Variants in GPSM2 observed in about 807,000 individuals in gnomAD.
GPSM2 encodes G protein-signaling modulator 2.
GPSM2 carries 58 observed loss-of-function variants against 78.4 expected under a neutral mutation model. The observed-to-expected ratio is 0.74, with a 90% CI of 0.60 to 0.92. The LOEUF is 0.92. Among genes scored for constraint, GPSM2 ranks in the 40% least tolerant of loss-of-function variants. The pLI, the probability that GPSM2 is intolerant of heterozygous loss-of-function variation, is 0.00. For missense variants in GPSM2, 700 were observed against 815.5 expected, an observed-to-expected ratio of 0.86 and a Z score of 1.73; for synonymous variants, 224 against 280.2, an observed-to-expected ratio of 0.80 and a Z score of 2.00.
rs115971283 is a variant in GPSM2, at chr1:108,931,674, T to G, written c.*1734T>G. 47 of 782,184 alleles carry G rather than the reference T, an allele frequency of 6.0e-5. No homozygotes were observed. The highest frequency in any genetic ancestry group is 8.6e-5 in the Non-Finnish European group (46 of 533,270). The allele number at this position is 782,184 out of a possible 1,614,324, so 48.5% of individuals were successfully genotyped here. A position where few individuals can be genotyped will look rare whatever the true frequency, so the allele number is the denominator to read the frequency against. On this transcript the variant is annotated 3_prime_UTR_variant, in exon 15 of 15. Transcript: ENST00000264126. ...AAATTACAACCTGGATTACATTATGTTTCATGTATACTATAAGGTATGATG... is the reference window on the plus strand; with the variant it reads ...AAATTACAACCTGGATTACATTATGGTTCATGTATACTATAAGGTATGATG...
Position 108,933,808 on chromosome 1 carries a change from ATCATGGTATTC to A in GPSM2, c.*3871_*3881del, listed in dbSNP as rs1217209843. ...AAGACACCCAACTCTCTTCTTCCTC[ATCATGGTATTC>A]TCTATGTATAGATCTCTAAAAATGC... On this transcript the variant is annotated 3_prime_UTR_variant, in exon 15 of 15. Transcript: ENST00000264126. 1 of 152,228 alleles carries A rather than the reference ATCATGGTATTC, an allele frequency of 6.6e-6. No homozygotes were observed. The highest frequency in any genetic ancestry group is 1.9e-4 in the East Asian group (1 of 5,202). 9.4% of individuals were successfully genotyped at this position (152,228 alleles called of 1,614,324 possible). A position where few individuals can be genotyped will look rare whatever the true frequency, so the allele number is the denominator to read the frequency against.
At chr1:108,891,412 C>T (rs1422441140) in intron 2 of GPSM2, among the ~76,000 whole-genome samples, 1 of 152,162 alleles carries the variant, frequency 6.6e-6, no homozygotes, top group Admixed American at 6.5e-5. Context: ...TCAACTTTGA[C>T]ATCCCATGAC....
intron 3 of GPSM2, 32 bp from the exon 4 acceptor site, chr1:108,897,460 G>T (rs572903225): frequency 7.0e-6 from 11 of 1,565,530 alleles, no homozygotes; most frequent in African/African-American, 2.7e-5. Context: ...ATACCATTTG[G>T]TTTTTTGTTT....
At chr1:108,909,895 C>G (rs1649571101) in intron 10 of GPSM2, 1 of 123,342 alleles carries the variant, frequency 8.1e-6, no homozygotes, top group Admixed American at 8.9e-5. Context: ...GAGCAAGACG[C>G]CATCTCCAAA....
At chr1:108,894,350 A>G (rs1433169471) in intron 2 of GPSM2, among the ~76,000 whole-genome samples, 1 of 152,148 alleles carries the variant, frequency 6.6e-6, no homozygotes, top group Non-Finnish European at 1.5e-5. Flanking sequence ...CTTGTAGTCT[A>G]ATATTGTAGC....
chr1:108,901,984 A>G (rs764129302), intron 8 of GPSM2, 39 bp downstream of exon 8: 24 of 1,367,388 alleles, frequency 1.8e-5, no homozygotes, highest in East Asian at 4.6e-5. Flanking sequence ...AAGGTAAAAT[A>G]TAGATGCATT....
intron 10 of GPSM2, among the ~76,000 whole-genome samples, chr1:108,912,538 G>A (rs1649830465): frequency 6.7e-6 from 1 of 148,768 alleles, no homozygotes; most frequent in Non-Finnish European, 1.5e-5. Context: ...GCATCCAGCA[G>A]TCAAGACCAG....
In GPSM2 at chr1:108,929,774, A is replaced by G. The variant is rs1460344143; in HGVS notation, c.1889A>G (p.Asp630Gly). 3.7e-6 allele frequency: 6 copies of G among 1,613,646 alleles called. No individual in the cohort carries two copies. The African/African-American group carries it at 6.7e-5, about 18-fold the overall frequency. The change falls in exon 15 of 15, where the codon GAC becomes GGC. Residue 630 changes from aspartate to glycine, a missense_variant. By Grantham distance (94) the Asp-to-Gly change is moderately conservative. Coordinates refer to ENST00000264126, the MANE Select transcript of GPSM2 (RefSeq NM_013296.5). ...TTKGPTVPDE[D>G]FFSLILRSQG... is the part of the protein sequence containing the mutation. The stretch of plus-strand genomic sequence containing the variant: ...AAGGGTCCGACAGTACCAGATGAAG[A>G]CTTTTTCAGCCTTATTTTACGGTCC...
chr1:108,915,246 C>T (rs749266234), intron 11 of GPSM2, among the ~76,000 whole-genome samples: 1 of 150,224 alleles, frequency 6.7e-6, no homozygotes, highest in Non-Finnish European at 1.5e-5. Flanking sequence ...TGGTGTCCGC[C>T]TATAGTCCCA....
intron 1 of GPSM2, among the ~76,000 whole-genome samples, chr1:108,884,513 A>G (rs1005824522): frequency 4.6e-5 from 7 of 152,246 alleles, no homozygotes; most frequent in Non-Finnish European, 7.3e-5. Context: ...GCAAAATCAT[A>G]TAAAACTAAA....
At chr1:108,912,660 G>A (rs1427480974) in intron 10 of GPSM2, among the ~76,000 whole-genome samples, 1 of 151,598 alleles carries the variant, frequency 6.6e-6, no homozygotes, top group Non-Finnish European at 1.5e-5. Context: ...GGATCGCTTT[G>A]AGCCCAAGAG....
At chr1:108,915,417 A>T (rs1156935978) in intron 11 of GPSM2, among the ~76,000 whole-genome samples, 3 of 147,266 alleles carry the variant, frequency 2.0e-5, no homozygotes, top group African/African-American at 5.0e-5. Flanking sequence ...GTATATTTTT[A>T]TTTCTTTTTT....
intron 14 of GPSM2, among the ~76,000 whole-genome samples, chr1:108,928,443 G>C (rs1056774723): frequency 2.0e-5 from 3 of 152,220 alleles, no homozygotes; most frequent in African/African-American, 7.2e-5. Flanking sequence ...AAATGAATGA[G>C]CCAGGTATGT....
chr1:108,892,640 G>T (rs1281626645), intron 2 of GPSM2, among the ~76,000 whole-genome samples: 1 of 152,102 alleles, frequency 6.6e-6, no homozygotes, highest in Non-Finnish European at 1.5e-5. Flanking sequence ...TTCTACATGT[G>T]GGTATGTTCT....
At position 108,931,622 on chromosome 1, in the gene GPSM2, C is replaced by T; in HGVS notation, c.*1682C>T. The T allele has an allele frequency of 1.8e-6, 2 of 1,134,614 alleles. No homozygotes were observed. The highest frequency in any genetic ancestry group is 1.1e-6 in the Non-Finnish European group (1 of 872,468). The allele number at this position is 1,134,614 out of a possible 1,614,324, so 70.3% of individuals were successfully genotyped here. ...AACCTGGAATTAATTACATTAAGTG[C>T]TCAGCTAAAAAAAAAAAAAAAGTTC... On this transcript the variant is annotated 3_prime_UTR_variant, in exon 15 of 15. Coordinates refer to ENST00000264126, the MANE Select transcript of GPSM2 (RefSeq NM_013296.5).
chr1:108,899,476 C>G (rs1648632385), intron 7 of GPSM2, among the ~76,000 whole-genome samples: 1 of 152,196 alleles, frequency 6.6e-6, no homozygotes, highest in African/African-American at 2.4e-5. Flanking sequence ...TTCCCACCCT[C>G]TTATTGAGCA....
chr1:108,925,112 G>C lies in GPSM2; in HGVS notation c.1815+898G>C, dbSNP rs1020097571. ...AATAAATTGAGTAGAGGGTTTCAGG[G>C]AAAGAGAATCAAGGATGACTTATAC... On this transcript the variant is annotated intron_variant, in intron 14 of 14. Transcript: ENST00000264126. Among the ~76,000 whole-genome samples, 5 of 152,182 alleles carry C rather than the reference G, an allele frequency of 3.3e-5. 1 individual carries two copies. The highest frequency in any genetic ancestry group is 3.3e-4 in the Admixed American group (5 of 15,270).
At position 108,933,437 on chromosome 1, in the gene GPSM2, C is replaced by G. The variant is rs1400466084; in HGVS notation, c.*3497C>G. 6.9e-6 allele frequency: 1 copy of G among 145,754 alleles called. No homozygotes were observed. The highest frequency in any genetic ancestry group is 1.5e-5 in the Non-Finnish European group (1 of 66,604). The allele number at this position is 145,754 out of a possible 1,614,324, so 9.0% of individuals were successfully genotyped here. ...GGACTGTAGGCATGAGCCACTGCAC[C>G]TGGCCTAAAATTACATTGTTACAGG... On this transcript the variant is annotated 3_prime_UTR_variant, in exon 15 of 15. Transcript: ENST00000264126.
In GPSM2 at chr1:108,917,647, T is replaced by C. The variant is rs1447362536; in HGVS notation, c.1264-966T>C. 7.4e-4 allele frequency among the ~76,000 whole-genome samples: 21 copies of C among 28,188 alleles called. 3 individuals are homozygous for C. Among genetic ancestry groups the C allele is most frequent in the East Asian group, 3.3e-3 (5 of 1,504 alleles). 18.5% of individuals were successfully genotyped at this position (28,188 alleles called of 152,430 possible). On this transcript the variant is annotated intron_variant, in intron 11 of 14. Coordinates refer to ENST00000264126, the MANE Select transcript of GPSM2 (RefSeq NM_013296.5). Reference sequence around the variant, plus strand: ...ATATATATATATATATATATATATATATATATATATATATATATAAATGAG... The same window carrying C: ...ATATATATATATATATATATATATACATATATATATATATATATAAATGAG...
Sources: allele counts gnomAD v4.1 joint callset (sites outside exome capture counted in the v4.1 genomes callset), GRCh38; gene constraint gnomAD v4.1.1; transcripts MANE v1.5; gene names NCBI Gene and HGNC (gene_info 2026-07-23, HGNC 2026-07-21).